Variants in XKR4 observed in about 807,000 individuals in gnomAD.
The protein encoded by XKR4 is XK related 4, also known as XK-related protein 4.
A neutral mutation model predicts 53.9 loss-of-function variants in XKR4; 12 were observed. That is an observed-to-expected ratio of 0.22 (90% confidence interval 0.14 to 0.36). XKR4 has a LOEUF of 0.36. XKR4 is among the 10% of genes least tolerant of loss of function. The probability of loss-of-function intolerance (pLI) is 1.00; values close to 1 mark genes in which losing one functional copy is unlikely to be tolerated. For synonymous variants in XKR4, 354 were observed against 362.4 expected, an observed-to-expected ratio of 0.98 and a Z score of 0.26; for missense variants, 799 against 859.5, an observed-to-expected ratio of 0.93 and a Z score of 0.88.
intron 1 of XKR4, among the ~76,000 whole-genome samples, chr8:55,148,294 A>T (rs993080977): frequency 1.3e-5 from 2 of 152,166 alleles, no homozygotes; most frequent in African/African-American, 4.8e-5. Context: ...AGTCCCAGCT[A>T]CTTGGGAGGC....
At chr8:55,378,057 A>G (rs1279000436) in intron 2 of XKR4, among the ~76,000 whole-genome samples, 4 of 152,236 alleles carry the variant, frequency 2.6e-5, no homozygotes, top group African/African-American at 9.6e-5. Context: ...GGGCTTGAGT[A>G]CAAATGTTTT....
chr8:55,310,291 G>A (rs1184961708), intron 1 of XKR4, among the ~76,000 whole-genome samples: 1 of 152,116 alleles, frequency 6.6e-6, no homozygotes, highest in Non-Finnish European at 1.5e-5. Context: ...GGGCTCCGGG[G>A]TCAGACTTCC....
In XKR4 at chr8:55,311,829, CAAAA is replaced by C. The variant is rs57826022; in HGVS notation, c.807-45830_807-45827del. Among the ~76,000 whole-genome samples, 627 of 98,560 alleles carry C rather than the reference CAAAA, an allele frequency of 6.4e-3. 1 individual carries two copies. The highest frequency in any genetic ancestry group is 0.02 in the African/African-American group (515 of 25,930). The allele number at this position is 98,560 out of a possible 152,430, so 64.7% of individuals were successfully genotyped here. ...AACTGAAACTGTCTCTGTAATTTAG[CAAAA>C]AAAAAAAAAAAAAAAAAAGAAAAGA... On this transcript the variant is annotated intron_variant, in intron 1 of 2. Coordinates refer to ENST00000327381, the MANE Select transcript of XKR4 (RefSeq NM_052898.2).
chr8:55,217,643 A>G (rs569632393), intron 1 of XKR4, among the ~76,000 whole-genome samples: 2 of 152,350 alleles, frequency 1.3e-5, no homozygotes, highest in African/African-American at 4.8e-5. Context: ...TGAGTCATTG[A>G]CAACTAAAAA....
chr8:55,169,861 G>A (rs1458868933), intron 1 of XKR4, among the ~76,000 whole-genome samples: 6 of 152,184 alleles, frequency 3.9e-5, no homozygotes, highest in African/African-American at 1.2e-4. Flanking sequence ...AGGAGTCATC[G>A]TGTGCAAGGA....
chr8:55,300,363 T>C (rs1819172940), intron 1 of XKR4, among the ~76,000 whole-genome samples: 1 of 152,024 alleles, frequency 6.6e-6, no homozygotes, highest in Non-Finnish European at 1.5e-5. Flanking sequence ...CAGGTGGAAA[T>C]CAGAAATGGG....
In XKR4 at chr8:55,536,363, A is replaced by C. The variant is rs1807032391; in HGVS notation, c.*12136A>C. 1 of 152,190 alleles carries C rather than the reference A, an allele frequency of 6.6e-6. No homozygotes were observed. The highest frequency in any genetic ancestry group is 1.5e-5 in the Non-Finnish European group (1 of 68,036). The allele number at this position is 152,190 out of a possible 1,614,324, so 9.4% of individuals were successfully genotyped here. On this transcript the variant is annotated 3_prime_UTR_variant, in exon 3 of 3. Transcript: ENST00000327381. ...TTCTTTGGGGGGCTTTCAACATCTG[A>C]ATTTTCCAGATGATTGCGGAACCAT... is the stretch of plus-strand genomic sequence containing the variant.
intron 1 of XKR4, among the ~76,000 whole-genome samples, chr8:55,241,442 C>T (rs995909416): frequency 1.3e-5 from 2 of 152,040 alleles, no homozygotes; most frequent in African/African-American, 4.8e-5. Flanking sequence ...CTTTCTCTGT[C>T]TTCACTGCAG....
chr8:55,227,081 G>A (rs1309512394), intron 1 of XKR4, among the ~76,000 whole-genome samples: 3 of 152,106 alleles, frequency 2.0e-5, no homozygotes, highest in Non-Finnish European at 4.4e-5. Flanking sequence ...TGTGTGTGGT[G>A]GCAACCCCCA....
intron 1 of XKR4, among the ~76,000 whole-genome samples, chr8:55,136,871 C>T (rs1816638181): frequency 6.6e-6 from 1 of 152,118 alleles, no homozygotes; most frequent in African/African-American, 2.4e-5. Context: ...TTTAAATTAA[C>T]AACAACTGGC....
chr8:55,479,530 G>A (rs572487934), intron 2 of XKR4, among the ~76,000 whole-genome samples: 4 of 151,936 alleles, frequency 2.6e-5, no homozygotes, highest in Non-Finnish European at 5.9e-5. Context: ...GCTAGCAGAA[G>A]GCAAGAAATA....
rs557925066 is a variant in XKR4, at chr8:55,355,306, G to A, written c.807-2372G>A. Among the ~76,000 whole-genome samples, 24 of 152,042 alleles carry A rather than the reference G, an allele frequency of 1.6e-4. No individual in the cohort carries two copies. The East Asian group carries it at 3.1e-3, about 20-fold the overall frequency. Reference sequence around the variant, plus strand: ...CACAGTGAGAAGATGAATAGAAGACGGAGAGGAGGAAAAATCAAGAAGAAA... The same window carrying A: ...CACAGTGAGAAGATGAATAGAAGACAGAGAGGAGGAAAAATCAAGAAGAAA... On this transcript the variant is annotated intron_variant, in intron 1 of 2. Transcript: ENST00000327381.
intron 2 of XKR4, among the ~76,000 whole-genome samples, chr8:55,490,703 G>GT (rs542072799): frequency 2.0e-5 from 3 of 151,870 alleles, no homozygotes; most frequent in African/African-American, 4.8e-5. Context: ...TACGTGACAT[G>GT]TTTTTTTTAA....
Position 55,215,668 on chromosome 8 carries a change from T to C in XKR4, c.806+112374T>C, listed in dbSNP as rs73682906. 9.9e-3 allele frequency among the ~76,000 whole-genome samples: 1,513 copies of C among 152,322 alleles called. 28 individuals carry two copies. Among genetic ancestry groups the C allele is most frequent in the African/African-American group, 0.034 (1,406 of 41,582 alleles). ...AAGCCTTTGTTTAATAATCGTCTTA[T>C]TTGATGCAGGAAAAAAATAATAAAA... On this transcript the variant is annotated intron_variant, in intron 1 of 2. Coordinates refer to ENST00000327381, the MANE Select transcript of XKR4 (RefSeq NM_052898.2).
chr8:55,320,107 C>T (rs1563323554), intron 1 of XKR4, among the ~76,000 whole-genome samples: 1 of 152,150 alleles, frequency 6.6e-6, no homozygotes, highest in South Asian at 2.1e-4. Context: ...GCAGCCAGTG[C>T]GTTCAATGTG....
At chr8:55,209,268 C>T (rs1026366570) in intron 1 of XKR4, among the ~76,000 whole-genome samples, 10 of 151,888 alleles carry the variant, frequency 6.6e-5, no homozygotes, top group Non-Finnish European at 1.3e-4. Context: ...TTGCTAGAGG[C>T]ATGCACTGAG....
chr8:55,495,572 G>T lies in XKR4; in HGVS notation c.1007-27709G>T, dbSNP rs572870580. Among the ~76,000 whole-genome samples the T allele has an allele frequency of 3.6e-3, 555 of 152,328 alleles. 4 individuals are homozygous for T. The highest frequency in any genetic ancestry group is 0.019 in the South Asian group (92 of 4,822). On this transcript the variant is annotated intron_variant, in intron 2 of 2. Transcript: ENST00000327381. Reference sequence around the variant, plus strand: ...CATCACAGTGGCTTCCAGGGTCGTGGGCTCCAGGGGGCCTCCCAGGGGTGG... The same window carrying T: ...CATCACAGTGGCTTCCAGGGTCGTGTGCTCCAGGGGGCCTCCCAGGGGTGG...
At chr8:55,392,653 T>C (rs1804459467) in intron 2 of XKR4, among the ~76,000 whole-genome samples, 1 of 152,030 alleles carries the variant, frequency 6.6e-6, no homozygotes, top group African/African-American at 2.4e-5. Flanking sequence ...TAGCCAGGTG[T>C]GGTGGCGCAT....
intron 1 of XKR4, chr8:55,140,276 T>A (rs1816685251): frequency 1.1e-5 from 3 of 284,452 alleles, no homozygotes; most frequent in Non-Finnish European, 1.4e-5. Flanking sequence ...GGAAGGGAAG[T>A]GTGACAATTC....
Sources: allele counts gnomAD v4.1 joint callset (sites outside exome capture counted in the v4.1 genomes callset), GRCh38; gene constraint gnomAD v4.1.1; transcripts MANE v1.5; gene names NCBI Gene and HGNC (gene_info 2026-07-23, HGNC 2026-07-21).